MARCHF4: variants seen among roughly 807,000 people sequenced by gnomAD.
The protein encoded by MARCHF4 is E3 ubiquitin-protein ligase MARCHF4.
In MARCHF4, 14 loss-of-function variants were observed where a neutral mutation model predicts 43.9. The ratio of observed to expected loss-of-function variants is 0.32; its 90% CI spans 0.21 to 0.50. The LOEUF (loss-of-function observed/expected upper bound fraction) is 0.50. Ranked by LOEUF, MARCHF4 falls within the 20% of genes least tolerant of loss-of-function variation. The probability of loss-of-function intolerance (pLI) is 0.98; values close to 1 mark genes in which losing one functional copy is unlikely to be tolerated. For synonymous variants in MARCHF4, 226 were observed against 213.3 expected (o/e 1.06, Z -0.52); for missense variants, 468 against 536.7 (o/e 0.87, Z 1.27).
intron 1 of MARCHF4, among the ~76,000 whole-genome samples, chr2:216,329,609 C>A (rs1377376792): frequency 7.0e-6 from 1 of 143,254 alleles, no homozygotes; most frequent in Non-Finnish European, 1.5e-5. Flanking sequence ...GAGAAAATGA[C>A]ATAAAACAGG....
At chr2:216,282,883 C>A (rs551739060) in intron 2 of MARCHF4, among the ~76,000 whole-genome samples, 6 of 152,154 alleles carry the variant, frequency 3.9e-5, no homozygotes, top group Non-Finnish European at 7.3e-5. Flanking sequence ...TTTTTCTCTG[C>A]CTCCCTCTCC....
chr2:216,363,321 A>G (rs1692616174), intron 1 of MARCHF4, among the ~76,000 whole-genome samples: 1 of 152,190 alleles, frequency 6.6e-6, no homozygotes. Context: ...TGATTAGAGA[A>G]CTGCTTCACA....
intron 3 of MARCHF4, among the ~76,000 whole-genome samples, chr2:216,273,677 C>G (rs1425204603): frequency 2.0e-5 from 3 of 152,210 alleles, no homozygotes; most frequent in African/African-American, 7.2e-5. Flanking sequence ...TGGAAGCAAA[C>G]TAACCTATCA....
intron 1 of MARCHF4, among the ~76,000 whole-genome samples, chr2:216,295,534 C>A (rs1169393745): frequency 6.6e-6 from 1 of 152,296 alleles, no homozygotes; most frequent in East Asian, 1.9e-4. Flanking sequence ...CTGTCTGAAA[C>A]CTAGGGAGTG....
chr2:216,265,390 T>C (rs1303270923), intron 3 of MARCHF4: 1 of 152,332 alleles, frequency 6.6e-6, no homozygotes, highest in East Asian at 1.9e-4. Context: ...CTCTTCCTCA[T>C]AAAGCTGCAA....
intron 3 of MARCHF4, among the ~76,000 whole-genome samples, chr2:216,276,863 G>A (rs62178746): frequency 5.8e-4 from 88 of 152,194 alleles, no homozygotes; most frequent in Non-Finnish European, 1.2e-3. Context: ...GGGGAGGGAG[G>A]GGAAAGACCC....
rs562321133 is a variant in MARCHF4 at position 216,358,236 on chromosome 2, A to G, written c.516+11509T>C. Among the ~76,000 whole-genome samples, 5 of 152,306 alleles carry G rather than the reference A, an allele frequency of 3.3e-5. No individual in the cohort carries two copies. The East Asian group carries it at 9.6e-4, about 29-fold the overall frequency. ...TTGCCCAAGGACACACATCTACTGC[A>G]CAGTAACAATGGGATCTGAAAGCAG... On this transcript the variant is annotated intron_variant, in intron 1 of 3. Coordinates refer to ENST00000273067, the MANE Select transcript of MARCHF4 (RefSeq NM_020814.3).
intron 1 of MARCHF4, among the ~76,000 whole-genome samples, chr2:216,318,805 C>A (rs1196317642): frequency 6.6e-6 from 1 of 152,046 alleles, no homozygotes; most frequent in Non-Finnish European, 1.5e-5. Context: ...TTCCTCACCC[C>A]CAAACTTTAA....
intron 1 of MARCHF4, among the ~76,000 whole-genome samples, chr2:216,322,293 G>A (rs1472959107): frequency 2.0e-5 from 3 of 152,184 alleles, no homozygotes; most frequent in Admixed American, 6.5e-5. Flanking sequence ...AAAACCAGAC[G>A]ATTGGCCCAC....
intron 2 of MARCHF4, among the ~76,000 whole-genome samples, chr2:216,280,946 G>T (rs1001913392): frequency 6.6e-6 from 1 of 151,754 alleles, no homozygotes; most frequent in Admixed American, 6.6e-5. Context: ...GACTCTCAGG[G>T]CCATGCTGTG....
intron 3 of MARCHF4, among the ~76,000 whole-genome samples, chr2:216,272,649 T>C (rs940080196): frequency 2.0e-5 from 3 of 152,198 alleles, no homozygotes; most frequent in African/African-American, 4.8e-5. Context: ...TAAATATGCA[T>C]CCTAATGCTT....
intron 1 of MARCHF4, among the ~76,000 whole-genome samples, chr2:216,350,550 C>A (rs1692391263): frequency 6.6e-6 from 1 of 152,002 alleles, no homozygotes; most frequent in Non-Finnish European, 1.5e-5. Context: ...CACACCACCA[C>A]ACTGTGCCAC....
At chr2:216,363,829 G>A (rs1559108521) in intron 1 of MARCHF4, among the ~76,000 whole-genome samples, 1 of 152,186 alleles carries the variant, frequency 6.6e-6, no homozygotes, top group Non-Finnish European at 1.5e-5. Context: ...TCCAATCTTT[G>A]CTGAAGATAT....
rs183086569 is a variant in MARCHF4, at chr2:216,306,499, C to T, written c.517-22770G>A. On this transcript the variant is annotated intron_variant, in intron 1 of 3. Coordinates refer to ENST00000273067, the MANE Select transcript of MARCHF4 (RefSeq NM_020814.3). ...TTTGCAGATCTGAATTTTGTCAAGA[C>T]ATTATAATCTTCTGCCAGATTTTAA... 1.1e-3 allele frequency among the ~76,000 whole-genome samples: 162 copies of T among 152,154 alleles called. 2 individuals carry two copies. The highest frequency in any genetic ancestry group is 6.8e-3 in the Middle Eastern group (2 of 294).
At chr2:216,294,048 G>A (rs1275288525) in intron 1 of MARCHF4, among the ~76,000 whole-genome samples, 1 of 152,178 alleles carries the variant, frequency 6.6e-6, no homozygotes, top group African/African-American at 2.4e-5. Flanking sequence ...TGGCTAAATA[G>A]AAAAGCATAA....
At chr2:216,312,815 TC>T (rs1403823896) in intron 1 of MARCHF4, among the ~76,000 whole-genome samples, 2 of 152,200 alleles carry the variant, frequency 1.3e-5, no homozygotes, top group Non-Finnish European at 2.9e-5. Flanking sequence ...AATTATTTTC[TC>T]CCATTCTATA....
intron 2 of MARCHF4, among the ~76,000 whole-genome samples, chr2:216,281,461 G>T (rs1416785066): frequency 6.6e-6 from 1 of 152,194 alleles, no homozygotes; most frequent in East Asian, 1.9e-4. Flanking sequence ...GCAGGCCTGG[G>T]ATTCCCATCC....
intron 1 of MARCHF4, among the ~76,000 whole-genome samples, chr2:216,313,238 T>C (rs1251820775): frequency 6.6e-6 from 1 of 152,186 alleles, no homozygotes; most frequent in African/African-American, 2.4e-5. Context: ...CATTGATCTA[T>C]GTTGATAAAA....
chr2:216,372,457 G>C lies in MARCHF4; in HGVS notation c.-2197C>G, dbSNP rs1692785535. Among the ~76,000 whole-genome samples the C allele has an allele frequency of 6.6e-6, 1 of 152,154 alleles. No homozygotes were observed. Among genetic ancestry groups the C allele is most frequent in the Non-Finnish European group, 1.5e-5 (1 of 68,024 alleles). ...ATGAGAGGAAAAGAAGCTGGAGGGAGAGGGAGCAAGAGGAGGAGAGAACTG... is the reference window on the plus strand; with the variant it reads ...ATGAGAGGAAAAGAAGCTGGAGGGACAGGGAGCAAGAGGAGGAGAGAACTG... On this transcript the variant is annotated 5_prime_UTR_variant, in exon 1 of 4. Transcript: ENST00000273067.
Sources: allele counts gnomAD v4.1 joint callset (sites outside exome capture counted in the v4.1 genomes callset), GRCh38; gene constraint gnomAD v4.1.1; transcripts MANE v1.5; gene names NCBI Gene and HGNC (gene_info 2026-07-23, HGNC 2026-07-21).